The following SGCD variants were observed in gnomAD, a reference collection of about 807,000 sequenced individuals.
The protein encoded by SGCD is delta-sarcoglycan.
A neutral mutation model predicts 36.6 loss-of-function variants in SGCD; 18 were observed. The observed-to-expected ratio is 0.49, with a 90% CI of 0.34 to 0.73. The LOEUF (loss-of-function observed/expected upper bound fraction) is 0.73. Among genes scored for constraint, SGCD ranks in the 30% least tolerant of loss-of-function variants. The probability of loss-of-function intolerance (pLI) is 0.01; values close to 1 mark genes in which losing one functional copy is unlikely to be tolerated. For synonymous variants in SGCD, 133 were observed against 130.6 expected (o/e 1.02, Z -0.12); for missense variants, 387 against 346.7 (o/e 1.12, Z -0.92).
chr5:156,094,412 C>T (rs1432707), intron 1 of SGCD, among the ~76,000 whole-genome samples: 20,445 of 152,092 alleles, frequency 0.13, 1,610 homozygotes, highest in East Asian at 0.19. Flanking sequence ...AGTTGGTGCC[C>T]GCTCCCTTAT....
At chr5:155,785,698 A>G in the SGCD span, among the ~76,000 whole-genome samples, 1 of 152,234 alleles carries the variant, frequency 6.6e-6, no homozygotes, top group African/African-American at 2.4e-5. Context: ...ATATGCACAC[A>G]TATGTGGTAA....
intron 3 of SGCD, among the ~76,000 whole-genome samples, chr5:156,352,860 C>T (rs1283917567): frequency 6.6e-6 from 1 of 152,136 alleles, no homozygotes; most frequent in Non-Finnish European, 1.5e-5. Flanking sequence ...GGATGGGTTG[C>T]AGGGAGTCTG....
At chr5:155,747,389 C>T in the SGCD span, among the ~76,000 whole-genome samples, 1 of 152,094 alleles carries the variant, frequency 6.6e-6, no homozygotes, top group Non-Finnish European at 1.5e-5. Context: ...GAAGGAGTGT[C>T]ACCGATTAGC....
upstream of SGCD, among the ~76,000 whole-genome samples, chr5:156,321,821 T>C (rs573801459): frequency 6.6e-6 from 1 of 152,314 alleles, no homozygotes; most frequent in Admixed American, 6.5e-5. Context: ...AGAGTCTTGA[T>C]TACATTTCAA....
chr5:156,514,782 ATTGTTTAACC>A (rs1477606817), intron 4 of SGCD, among the ~76,000 whole-genome samples: 5 of 152,190 alleles, frequency 3.3e-5, no homozygotes, highest in Non-Finnish European at 7.3e-5. Flanking sequence ...TCTTTGAACA[ATTGTTTAACC>A]TTTCAAATGC....
chr5:156,597,837 C>T (rs1315305422), intron 6 of SGCD, among the ~76,000 whole-genome samples: 3 of 152,156 alleles, frequency 2.0e-5, no homozygotes, highest in East Asian at 3.8e-4. Context: ...CTCAGAAACA[C>T]CTTGTGGGGT....
chr5:156,253,210 G>C (rs570387290), intron 3 of SGCD, among the ~76,000 whole-genome samples: 6 of 152,250 alleles, frequency 3.9e-5, no homozygotes, highest in African/African-American at 9.6e-5. Context: ...GGTGAGCTGG[G>C]ATCTGTGCCT....
At chr5:156,383,324 T>C (rs954234726) in intron 3 of SGCD, among the ~76,000 whole-genome samples, 4 of 152,072 alleles carry the variant, frequency 2.6e-5, no homozygotes, top group African/African-American at 9.6e-5. Context: ...GCCAACATGG[T>C]GAAACCCTGT....
At chr5:155,959,882 A>AT (rs1013050858) in intron 1 of SGCD, among the ~76,000 whole-genome samples, 5 of 151,990 alleles carry the variant, frequency 3.3e-5, no homozygotes, top group Non-Finnish European at 2.9e-5. Context: ...AGGTTACCTG[A>AT]TTTTTTCAAG....
chr5:156,360,639 A>G (rs1769738382), intron 3 of SGCD, among the ~76,000 whole-genome samples: 1 of 152,016 alleles, frequency 6.6e-6, no homozygotes, highest in Non-Finnish European at 1.5e-5. Context: ...GTGCCTATAA[A>G]GACTCCAGAC....
intron 3 of SGCD, among the ~76,000 whole-genome samples, chr5:156,393,157 G>A (rs941156394): frequency 4.6e-5 from 7 of 152,142 alleles, no homozygotes; most frequent in Admixed American, 6.5e-5. Context: ...TTCTCTATCA[G>A]TAGGGAAACC....
intron 1 of SGCD, among the ~76,000 whole-genome samples, chr5:156,079,955 G>A (rs968991082): frequency 6.6e-6 from 1 of 152,228 alleles, no homozygotes; most frequent in East Asian, 1.9e-4. Flanking sequence ...TACTGCCCTA[G>A]TAGAGGATTT....
At chr5:156,391,425 G>T (rs1771559282) in intron 3 of SGCD, among the ~76,000 whole-genome samples, 1 of 152,070 alleles carries the variant, frequency 6.6e-6, no homozygotes, top group South Asian at 2.1e-4. Context: ...TGTATCTGTG[G>T]GTTTCCCGTC....
chr5:156,539,916 T>C (rs1400793127), intron 4 of SGCD, among the ~76,000 whole-genome samples: 1 of 152,162 alleles, frequency 6.6e-6, no homozygotes, highest in Non-Finnish European at 1.5e-5. Flanking sequence ...TGAACCTGTC[T>C]AAGCTTCATT....
intron 7 of SGCD, among the ~76,000 whole-genome samples, chr5:156,664,387 T>C (rs1418988061): frequency 6.7e-6 from 1 of 149,732 alleles, no homozygotes; most frequent in Non-Finnish European, 1.5e-5. Context: ...AATTGACTTT[T>C]GAGCAACATC....
chr5:156,286,150 T>C (rs374132649), intron 3 of SGCD, among the ~76,000 whole-genome samples: 3 of 152,018 alleles, frequency 2.0e-5, no homozygotes, highest in Non-Finnish European at 4.4e-5. Context: ...GTTAGAATGG[T>C]GATCATTAAA....
intron 3 of SGCD, among the ~76,000 whole-genome samples, chr5:156,203,913 A>C (rs978952270): frequency 1.3e-5 from 2 of 152,078 alleles, no homozygotes; most frequent in African/African-American, 4.8e-5. Context: ...AATTTTTCCA[A>C]GTTGGAAAAT....
intron 7 of SGCD, among the ~76,000 whole-genome samples, chr5:156,667,706 G>T (rs1753109754): frequency 6.6e-6 from 1 of 152,192 alleles, no homozygotes; most frequent in African/African-American, 2.4e-5. Flanking sequence ...ATTTGGGCAA[G>T]TCTCTTAAGC....
chr5:156,346,838 C>T (rs865803872), intron 3 of SGCD, among the ~76,000 whole-genome samples: 1 of 151,460 alleles, frequency 6.6e-6, no homozygotes, highest in Non-Finnish European at 1.5e-5. Flanking sequence ...TGCTGTGTCA[C>T]CCAGGCTAGA....
Sources: gnomAD v4.1 joint callset for allele counts (sites outside exome capture counted in the v4.1 genomes callset) on GRCh38, gnomAD v4.1.1 for gene constraint, MANE v1.5 for transcripts, NCBI Gene and HGNC (gene_info 2026-07-23, HGNC 2026-07-21) for gene names.